The following PREX2 variants were observed in gnomAD, a reference collection of about 807,000 sequenced individuals.
The protein encoded by PREX2 is phosphatidylinositol-3,4,5-trisphosphate dependent Rac exchange factor 2.
A neutral mutation model predicts 203.2 loss-of-function variants in PREX2; 107 were observed. The observed-to-expected ratio is 0.53, with a 90% confidence interval of 0.45 to 0.62. PREX2 has a LOEUF of 0.62. Ranked by LOEUF, PREX2 falls within the 20% of genes least tolerant of loss-of-function variation. The probability of loss-of-function intolerance (pLI) is 0.00; values close to 1 mark genes in which losing one functional copy is unlikely to be tolerated. For synonymous variants in PREX2, 672 were observed against 663.6 expected, an observed-to-expected ratio of 1.01 and a Z score of -0.19; for missense variants, 1,777 against 1,955.9, an observed-to-expected ratio of 0.91 and a Z score of 1.72.
intron 1 of PREX2, among the ~76,000 whole-genome samples, chr8:67,957,175 A>G (rs1183682492): frequency 6.6e-6 from 1 of 152,164 alleles, no homozygotes; most frequent in Non-Finnish European, 1.5e-5. Flanking sequence ...CCCTTTCTGT[A>G]TGTCCCCACT....
intron 23 of PREX2, chr8:68,105,781 A>G (rs79467508): frequency 0.019 from 3,272 of 173,896 alleles, 101 homozygotes; most frequent in African/African-American, 0.066. Context: ...TGGTGGTCCC[A>G]TAAGATTATA....
At chr8:68,224,748 A>T in intron 39 of PREX2, 122 bp downstream of exon 39, 1 of 685,792 alleles carries the variant, frequency 1.5e-6, no homozygotes, top group Non-Finnish European at 2.5e-6. Context: ...GTAATTACGG[A>T]GATTGCCCTT....
intron 1 of PREX2, among the ~76,000 whole-genome samples, chr8:67,961,985 A>G (rs1264926658): frequency 2.0e-5 from 3 of 152,212 alleles, no homozygotes; most frequent in Admixed American, 2.0e-4. Context: ...TAAATTTAGA[A>G]TACTGATATA....
chr8:68,076,192 C>T (rs551908001), intron 14 of PREX2, among the ~76,000 whole-genome samples: 74 of 152,316 alleles, frequency 4.9e-4, no homozygotes, highest in Non-Finnish European at 6.5e-4. Context: ...CACAGTGGTT[C>T]ACGCCTGTAA....
intron 38 of PREX2, among the ~76,000 whole-genome samples, chr8:68,219,565 G>T (rs1367604722): frequency 6.6e-6 from 1 of 152,084 alleles, no homozygotes; most frequent in Non-Finnish European, 1.5e-5. Flanking sequence ...TTTGGAATAG[G>T]TAGCTTTCTT....
intron 37 of PREX2, among the ~76,000 whole-genome samples, chr8:68,212,359 C>T (rs1812756616): frequency 6.6e-6 from 1 of 151,968 alleles, no homozygotes; most frequent in Admixed American, 6.6e-5. Flanking sequence ...TTTCTTTGTC[C>T]TCTCACTAAA....
At position 68,085,993 on chromosome 8, in the gene PREX2, C is replaced by T. The variant is rs141136610; in HGVS notation, c.2028-1731C>T. 3.9e-3 allele frequency among the ~76,000 whole-genome samples: 593 copies of T among 152,266 alleles called. 1 individual carries two copies. The highest frequency in any genetic ancestry group is 7.3e-3 in the Non-Finnish European group (494 of 68,016). ...ACTTCTTCTGATTTTGTTTCAGGCT[C>T]ACCAAAATATGTATTCATTCCCTTT... On this transcript the variant is annotated intron_variant, in intron 18 of 39. Transcript: ENST00000288368.
intron 23 of PREX2, chr8:68,101,474 G>A (rs1013767172): frequency 3.9e-6 from 2 of 518,634 alleles, no homozygotes; most frequent in African/African-American, 3.8e-5. Flanking sequence ...CATGACTGCT[G>A]AGTTCAGTTC....
chr8:68,054,588 T>G (rs746517006), intron 9 of PREX2, among the ~76,000 whole-genome samples: 11 of 152,210 alleles, frequency 7.2e-5, no homozygotes, highest in Non-Finnish European at 1.3e-4. Flanking sequence ...CCTTCAACAG[T>G]TCGTCATCAG....
chr8:68,174,900 G>GT (rs1158013102), intron 35 of PREX2, among the ~76,000 whole-genome samples: 7 of 152,334 alleles, frequency 4.6e-5, no homozygotes, highest in African/African-American at 1.4e-4. Context: ...CTTCCATTCT[G>GT]TTTTGTGAAC....
At chr8:67,993,876 A>G (rs1389092015) in intron 1 of PREX2, among the ~76,000 whole-genome samples, 2 of 152,180 alleles carry the variant, frequency 1.3e-5, no homozygotes, top group Non-Finnish European at 2.9e-5. Context: ...ATTGGAAGAA[A>G]TCTTCATAGA....
intron 23 of PREX2, among the ~76,000 whole-genome samples, chr8:68,106,608 AT>A (rs1563548873): frequency 6.6e-6 from 1 of 152,062 alleles, no homozygotes; most frequent in Non-Finnish European, 1.5e-5. Flanking sequence ...TATATCACAT[AT>A]ATATATAATC....
chr8:68,001,956 G>A (rs982478301), intron 1 of PREX2, among the ~76,000 whole-genome samples: 2 of 152,070 alleles, frequency 1.3e-5, no homozygotes, highest in Non-Finnish European at 2.9e-5. Flanking sequence ...CGGAGGGTGG[G>A]AGGAGGAAGA....
rs762759357 is a variant in PREX2 at position 68,080,425 on chromosome 8, ATCTG to A, written c.1643-14_1643-11del. The stretch of plus-strand genomic sequence containing the variant: ...TTTTGAATTAGCTGAAATAATTTGC[ATCTG>A]TCTTTTTCTGTAGTCCTTGAAAAAA... On this transcript the variant is annotated splice_polypyrimidine_tract_variant and intron_variant, in intron 15 of 39. Transcript: ENST00000288368. The A allele has an allele frequency of 1.2e-5, 20 of 1,605,688 alleles. No homozygotes were observed. Among genetic ancestry groups the A allele is most frequent in the Non-Finnish European group, 1.7e-5 (20 of 1,177,698 alleles).
chr8:68,177,606 C>T (rs373286447), intron 35 of PREX2, among the ~76,000 whole-genome samples: 68 of 152,294 alleles, frequency 4.5e-4, no homozygotes, highest in African/African-American at 1.5e-3. Flanking sequence ...CCAAACTCAA[C>T]ATCTTTCCAT....
At chr8:68,135,099 T>TGTGTG (rs58263470) in intron 32 of PREX2, among the ~76,000 whole-genome samples, 10 of 148,898 alleles carry the variant, frequency 6.7e-5, no homozygotes, top group Non-Finnish European at 8.9e-5. Context: ...AAAACAAATT[T>TGTGTG]TGTGTGTGTG....
intron 7 of PREX2, among the ~76,000 whole-genome samples, chr8:68,038,643 C>T (rs1808104362): frequency 6.6e-6 from 1 of 152,062 alleles, no homozygotes; most frequent in South Asian, 2.1e-4. Flanking sequence ...ATCATTTCCC[C>T]CTCTTCCTTC....
At chr8:68,070,929 A>T (rs993043246) in intron 13 of PREX2, among the ~76,000 whole-genome samples, 1 of 152,164 alleles carries the variant, frequency 6.6e-6, no homozygotes. Flanking sequence ...GTGGAAAAAG[A>T]TGAAAAAGAA....
chr8:68,222,665 T>C (rs1207109231), intron 38 of PREX2, among the ~76,000 whole-genome samples: 1 of 85,866 alleles, frequency 1.2e-5, no homozygotes, highest in Non-Finnish European at 2.9e-5. Flanking sequence ...AAACAGGATA[T>C]TGCATAGTCT....
Sources: gnomAD v4.1 joint callset for allele counts (sites outside exome capture counted in the v4.1 genomes callset) on GRCh38, gnomAD v4.1.1 for gene constraint, MANE v1.5 for transcripts, NCBI Gene and HGNC (gene_info 2026-07-23, HGNC 2026-07-21) for gene names.